The following YTHDF3 variants were observed in gnomAD, a reference collection of about 807,000 sequenced individuals.
The protein encoded by YTHDF3 is YTH domain-containing family protein 3.
In YTHDF3, 9 loss-of-function variants were observed where a neutral mutation model predicts 52.5. That is an observed-to-expected ratio of 0.17 (90% confidence interval 0.10 to 0.30). YTHDF3 has a LOEUF of 0.30. YTHDF3 is among the 10% of genes least tolerant of loss of function. The probability of loss-of-function intolerance (pLI) is 1.00; values close to 1 mark genes in which losing one functional copy is unlikely to be tolerated. For missense variants in YTHDF3, 534 were observed against 715.0 expected (o/e 0.75, Z 2.89); for synonymous variants, 274 against 243.3 (o/e 1.13, Z -1.18).
At chr8:63,190,468 T>C (rs1399036256) in intron 4 of YTHDF3, among the ~76,000 whole-genome samples, 1 of 152,218 alleles carries the variant, frequency 6.6e-6, no homozygotes, top group African/African-American at 2.4e-5. Context: ...ATTTAAACTT[T>C]AATATTACCC....
chr8:63,177,725 A>G (rs746604026), intron 3 of YTHDF3, among the ~76,000 whole-genome samples: 4 of 151,922 alleles, frequency 2.6e-5, no homozygotes, highest in Non-Finnish European at 5.9e-5. Flanking sequence ...AGATGAAGAT[A>G]TAGTATAAAA....
intron 3 of YTHDF3, among the ~76,000 whole-genome samples, chr8:63,181,998 A>G (rs1808170584): frequency 6.6e-6 from 1 of 152,188 alleles, no homozygotes; most frequent in Non-Finnish European, 1.5e-5. Flanking sequence ...ATTAGAATGA[A>G]CATCACTTTT....
At chr8:63,184,856 A>G (rs895958418) in intron 3 of YTHDF3, among the ~76,000 whole-genome samples, 3 of 152,196 alleles carry the variant, frequency 2.0e-5, no homozygotes, top group Non-Finnish European at 4.4e-5. Context: ...GTGCTTTAAA[A>G]TCACACCTAA....
rs1013631083 is a variant in YTHDF3, at chr8:63,168,886, C to T, written c.9C>T (p.Ala3=). ...TCGGGTTGCGGTGAAGAATGTCAGC[C>T]ACTAGCGTGGATCAGGTGAGGGAGC... The part of the protein sequence containing the change: MS[A]TSVDQRPKGQ... The change falls in exon 1 of 5, where the codon GCC becomes GCT. Residue 3 remains alanine, a synonymous_variant. Coordinates refer to ENST00000539294, the MANE Select transcript of YTHDF3 (RefSeq NM_152758.6). 9 of 1,554,228 alleles carry T rather than the reference C, an allele frequency of 5.8e-6. No individual in the cohort carries two copies. The African/African-American group carries it at 1.2e-4, about 21-fold the overall frequency.
chr8:63,198,068 A>G (rs556388858), intron 4 of YTHDF3, among the ~76,000 whole-genome samples: 11 of 152,302 alleles, frequency 7.2e-5, no homozygotes, highest in East Asian at 3.9e-4. Flanking sequence ...CTTTCAAATC[A>G]TGGCATTACC....
In YTHDF3 at chr8:63,210,968, T is replaced by G. The variant is rs1810340563; in HGVS notation, c.*1262T>G. 1 of 152,562 alleles carries G rather than the reference T, an allele frequency of 6.6e-6. No individual in the cohort carries two copies. Among genetic ancestry groups the G allele is most frequent in the African/African-American group, 2.4e-5 (1 of 41,440 alleles). 9.5% of individuals were successfully genotyped at this position (152,562 alleles called of 1,614,324 possible). On this transcript the variant is annotated 3_prime_UTR_variant, in exon 5 of 5. Transcript: ENST00000539294. ...GTTATGAAAATAATGTACTGCCCCATGTATTACTGTTCCAAAAGGAGAAAG... is the reference window on the plus strand; with the variant it reads ...GTTATGAAAATAATGTACTGCCCCAGGTATTACTGTTCCAAAAGGAGAAAG...
At chr8:63,186,014 A>AT in intron 3 of YTHDF3, 133 bp from the exon 4 acceptor site, 1 of 997,388 alleles carries the variant, frequency 1.0e-6, no homozygotes, top group East Asian at 2.7e-5. Context: ...TGAAATTTTA[A>AT]TTTTGTTTAT....
intron 4 of YTHDF3, among the ~76,000 whole-genome samples, chr8:63,205,251 TC>T (rs1402291965): frequency 6.6e-6 from 1 of 152,168 alleles, no homozygotes; most frequent in Non-Finnish European, 1.5e-5. Context: ...AGGGACTTAG[TC>T]CTTCTCCGGG....
intron 2 of YTHDF3, among the ~76,000 whole-genome samples, chr8:63,171,025 T>A (rs914668569): frequency 1.3e-5 from 2 of 152,182 alleles, no homozygotes; most frequent in Non-Finnish European, 2.9e-5. Flanking sequence ...ATTTCAAAAA[T>A]TTTTATCCAT....
chr8:63,171,798 A>G (rs1017655846), intron 2 of YTHDF3, among the ~76,000 whole-genome samples: 4 of 152,308 alleles, frequency 2.6e-5, no homozygotes, highest in Middle Eastern at 3.4e-3. Context: ...TATGTCCTTG[A>G]GAAGTTGGTG....
At chr8:63,183,081 C>G (rs1315909555) in intron 3 of YTHDF3, among the ~76,000 whole-genome samples, 3 of 151,958 alleles carry the variant, frequency 2.0e-5, no homozygotes, top group African/African-American at 7.3e-5. Flanking sequence ...CTCACTCAGC[C>G]TCCCGAGTAG....
Position 63,210,755 on chromosome 8 carries a change from G to A in YTHDF3, c.*1049G>A, listed in dbSNP as rs1397216374. On this transcript the variant is annotated 3_prime_UTR_variant, in exon 5 of 5. Coordinates refer to ENST00000539294, the MANE Select transcript of YTHDF3 (RefSeq NM_152758.6). Reference sequence around the variant, plus strand: ...AAATCAGTATCTAAGTGAATGTGTTGATGTTTTATTGATCAGATCTATATA... The same window carrying A: ...AAATCAGTATCTAAGTGAATGTGTTAATGTTTTATTGATCAGATCTATATA... 1 of 152,468 alleles carries A rather than the reference G, an allele frequency of 6.6e-6. No homozygotes were observed. The highest frequency in any genetic ancestry group is 1.5e-5 in the Non-Finnish European group (1 of 67,982). The allele number at this position is 152,468 out of a possible 1,614,324, so 9.4% of individuals were successfully genotyped here.
chr8:63,207,857 T>C (rs1233114570), intron 4 of YTHDF3, among the ~76,000 whole-genome samples: 2 of 152,204 alleles, frequency 1.3e-5, no homozygotes, highest in African/African-American at 4.8e-5. Context: ...TTAATTTCTC[T>C]ATGTATTTTG....
At chr8:63,172,686 TC>T (rs1807409448) in intron 2 of YTHDF3, 1 of 1,006,896 alleles carries the variant, frequency 9.9e-7, no homozygotes, top group African/African-American at 1.7e-5. Context: ...CTGTTGACTT[TC>T]CTAACTTGAT....
chr8:63,183,247 C>T (rs1290782459), intron 3 of YTHDF3, among the ~76,000 whole-genome samples: 1 of 152,188 alleles, frequency 6.6e-6, no homozygotes, highest in Middle Eastern at 3.4e-3. Flanking sequence ...AGGCATGAAC[C>T]ACGGTGTCCA....
chr8:63,169,672 A>G (rs957703509), intron 2 of YTHDF3, among the ~76,000 whole-genome samples: 1 of 152,154 alleles, frequency 6.6e-6, no homozygotes, highest in Admixed American at 6.5e-5. Flanking sequence ...ACCTGGTGGT[A>G]TTTCTTTGGT....
At chr8:63,185,198 A>G (rs1808418585) in intron 3 of YTHDF3, among the ~76,000 whole-genome samples, 1 of 152,144 alleles carries the variant, frequency 6.6e-6, no homozygotes, top group Non-Finnish European at 1.5e-5. Flanking sequence ...TTTGCGTAAG[A>G]AACTTACTTC....
intron 3 of YTHDF3, among the ~76,000 whole-genome samples, chr8:63,183,655 A>G (rs1269035454): frequency 1.3e-5 from 2 of 152,322 alleles, no homozygotes; most frequent in Non-Finnish European, 2.9e-5. Context: ...TTCTTTGACT[A>G]TATTTGCAGT....
intron 2 of YTHDF3, among the ~76,000 whole-genome samples, chr8:63,169,841 A>G (rs544736572): frequency 6.6e-6 from 1 of 152,228 alleles, no homozygotes; most frequent in Non-Finnish European, 1.5e-5. Flanking sequence ...TGAAAATTGT[A>G]CTGTTAATCA....
Sources: gnomAD v4.1 joint callset for allele counts (sites outside exome capture counted in the v4.1 genomes callset) on GRCh38, gnomAD v4.1.1 for gene constraint, MANE v1.5 for transcripts, NCBI Gene and HGNC (gene_info 2026-07-23, HGNC 2026-07-21) for gene names.